KCNH1: variants seen among roughly 807,000 people sequenced by gnomAD.
KCNH1 encodes potassium voltage-gated channel subfamily H member 1, also known as voltage-gated delayed rectifier potassium channel KCNH1.
In KCNH1, 27 loss-of-function variants were observed where a neutral mutation model predicts 69.2. The observed-to-expected ratio is 0.39, with a 90% confidence interval of 0.29 to 0.54. The LOEUF is 0.54. Ranked by LOEUF, KCNH1 falls within the 20% of genes least tolerant of loss-of-function variation. The pLI is 0.68. For missense variants in KCNH1, 798 were observed against 1,261.6 expected (o/e 0.63, Z 5.57); for synonymous variants, 456 against 487.7 (o/e 0.93, Z 0.86).
At chr1:210,855,232 A>C (rs1685805616) in intron 7 of KCNH1, among the ~76,000 whole-genome samples, 1 of 152,202 alleles carries the variant, frequency 6.6e-6, no homozygotes, top group Non-Finnish European at 1.5e-5. Flanking sequence ...ACAATCAGAG[A>C]GAGGGATACT....
At chr1:210,955,005 G>C (rs1053587223) in intron 6 of KCNH1, among the ~76,000 whole-genome samples, 16 of 152,106 alleles carry the variant, frequency 1.1e-4, no homozygotes, top group African/African-American at 3.4e-4. Context: ...GTATTGCCTA[G>C]GTTTTCTTCT....
intron 6 of KCNH1, among the ~76,000 whole-genome samples, chr1:210,990,456 A>G (rs1406669176): frequency 6.6e-6 from 1 of 152,136 alleles, no homozygotes; most frequent in Non-Finnish European, 1.5e-5. Context: ...AGGGTGCCCA[A>G]AGGTCAAGAA....
intron 6 of KCNH1, among the ~76,000 whole-genome samples, chr1:211,015,653 A>G (rs976866786): frequency 1.3e-5 from 2 of 152,232 alleles, no homozygotes; most frequent in Non-Finnish European, 2.9e-5. Context: ...TGGAGCTGGC[A>G]GGAAACTCAA....
intron 10 of KCNH1, among the ~76,000 whole-genome samples, chr1:210,719,675 A>C (rs1682403993): frequency 6.6e-6 from 1 of 152,134 alleles, no homozygotes; most frequent in African/African-American, 2.4e-5. Flanking sequence ...AACAAACTAC[A>C]CATTCTGCAC....
intron 10 of KCNH1, among the ~76,000 whole-genome samples, chr1:210,734,559 A>AC (rs1682826467): frequency 6.6e-6 from 1 of 151,436 alleles, no homozygotes; most frequent in Non-Finnish European, 1.5e-5. Context: ...ATCCCCCGCC[A>AC]CCCCCCACCA....
intron 5 of KCNH1, among the ~76,000 whole-genome samples, chr1:211,051,221 C>T (rs11119669): frequency 0.012 from 1,825 of 152,224 alleles, 37 homozygotes; most frequent in African/African-American, 0.041. Flanking sequence ...TGATCTCAAG[C>T]TCTCGATCTC....
intron 7 of KCNH1, among the ~76,000 whole-genome samples, chr1:210,832,284 G>A (rs867681121): frequency 9.1e-4 from 138 of 152,128 alleles, no homozygotes; most frequent in Non-Finnish European, 5.3e-4. Context: ...ATGTTTGAGA[G>A]TCCTCTTCTT....
At chr1:210,976,263 G>A (rs1243092305) in intron 6 of KCNH1, among the ~76,000 whole-genome samples, 3 of 151,504 alleles carry the variant, frequency 2.0e-5, no homozygotes, top group South Asian at 2.1e-4. Flanking sequence ...CATACCCAAA[G>A]GATTATAAAT....
At chr1:210,816,894 C>G (rs1024174636) in intron 7 of KCNH1, among the ~76,000 whole-genome samples, 1 of 152,140 alleles carries the variant, frequency 6.6e-6, no homozygotes, top group Non-Finnish European at 1.5e-5. Flanking sequence ...TTTTCAGAAG[C>G]CACTACTATC....
At chr1:210,757,393 C>T (rs1394125149) in intron 10 of KCNH1, among the ~76,000 whole-genome samples, 5 of 152,308 alleles carry the variant, frequency 3.3e-5, no homozygotes, top group African/African-American at 1.2e-4. Context: ...CTATCAAGAT[C>T]CAGCTCAAGA....
At chr1:210,731,095 C>T (rs1246871241) in intron 10 of KCNH1, among the ~76,000 whole-genome samples, 1 of 152,174 alleles carries the variant, frequency 6.6e-6, no homozygotes, top group African/African-American at 2.4e-5. Flanking sequence ...AGTTATCTCC[C>T]CACTCTGTTA....
chr1:211,099,694 A>G (rs1691223151), intron 3 of KCNH1, among the ~76,000 whole-genome samples: 1 of 152,020 alleles, frequency 6.6e-6, no homozygotes, highest in African/African-American at 2.4e-5. Context: ...CACTCAGCAA[A>G]CATTCACCTC....
chr1:210,683,155 G>T lies in KCNH1; in HGVS notation c.*126C>A. The T allele has an allele frequency of 1.1e-6, 1 of 928,344 alleles. No individual in the cohort carries two copies. The highest frequency in any genetic ancestry group is 1.6e-6 in the Non-Finnish European group (1 of 612,180). 57.5% of individuals were successfully genotyped at this position (928,344 alleles called of 1,614,324 possible). ...GAGAAAGAGCACGTCTAAGCCACTG[G>T]CCCCACTTTTTCTGTTAGGAAAAGC... On this transcript the variant is annotated 3_prime_UTR_variant, in exon 11 of 11. Coordinates refer to ENST00000271751, the MANE Select transcript of KCNH1 (RefSeq NM_172362.3). This position sits in a 1 kb window ranked among gnomAD's most constrained non-coding sequence, Gnocchi z 5.7.
intron 7 of KCNH1, among the ~76,000 whole-genome samples, chr1:210,810,628 T>C (rs945363961): frequency 6.6e-6 from 1 of 152,224 alleles, no homozygotes; most frequent in Non-Finnish European, 1.5e-5. Flanking sequence ...TTTCATTTGA[T>C]ATTATACTTT....
At position 211,082,858 on chromosome 1, in the gene KCNH1, G is replaced by T; in HGVS notation, c.480C>A (p.Ser160Arg). Residue 160 changes from serine (S) to arginine (R), a missense_variant, in exon 5 of 11, where the codon AGC (serine) becomes AGA (arginine). Physicochemically the swap from Ser to Arg is moderately radical, Grantham distance 110. Transcript: ENST00000271751. The part of the protein sequence containing the change: ...KFARLTRALT[S>R]SRGVLQQLAP... ...CCAGCTGCTGCAGGACACCCCTGCT[G>T]CTTGTCAGTGCTCTTGTCAGCCGAG... is the stretch of plus-strand genomic sequence containing the variant. 6.2e-7 allele frequency: 1 copy of T among 1,614,146 alleles called. No individual in the cohort carries two copies. The highest frequency in any genetic ancestry group is 8.5e-7 in the Non-Finnish European group (1 of 1,180,002).
chr1:210,982,402 A>G (rs1432374610), intron 6 of KCNH1, among the ~76,000 whole-genome samples: 1 of 151,772 alleles, frequency 6.6e-6, no homozygotes, highest in Admixed American at 6.6e-5. Context: ...GTATATCTCC[A>G]ATGCTATCCC....
At position 210,862,928 on chromosome 1, in the gene KCNH1, C is replaced by T. The variant is rs925334645; in HGVS notation, c.1462+56712G>A. Among the ~76,000 whole-genome samples, 3 of 152,276 alleles carry T rather than the reference C, an allele frequency of 2.0e-5. No homozygotes were observed. The South Asian group carries it at 6.2e-4, about 32-fold the overall frequency. On this transcript the variant is annotated intron_variant, in intron 7 of 10. Coordinates refer to ENST00000271751, the MANE Select transcript of KCNH1 (RefSeq NM_172362.3). ...CTTCTTCCCTACAGATTCCCTGAAG[C>T]CAGTGGGCTGTCTGGCAGGAAAACC...
chr1:210,869,479 T>C (rs1228236516), intron 7 of KCNH1, among the ~76,000 whole-genome samples: 2 of 138,774 alleles, frequency 1.4e-5, no homozygotes, highest in African/African-American at 5.3e-5. Context: ...CTCCTAGTTA[T>C]AAGTCGTGTG....
At chr1:210,963,125 G>A (rs773973644) in intron 6 of KCNH1, among the ~76,000 whole-genome samples, 6 of 151,602 alleles carry the variant, frequency 4.0e-5, no homozygotes, top group Non-Finnish European at 7.4e-5. Context: ...TAATTGTAAT[G>A]TGGTCAAATG....
Sources: allele counts gnomAD v4.1 joint callset (sites outside exome capture counted in the v4.1 genomes callset), GRCh38; gene constraint gnomAD v4.1.1; non-coding constraint Gnocchi (gnomAD v3.1); transcripts MANE v1.5; gene names NCBI Gene and HGNC (gene_info 2026-07-23, HGNC 2026-07-21).